VPS50: variants seen among roughly 807,000 people sequenced by gnomAD.
VPS50 encodes VPS50 subunit of EARP/GARPII complex.
In VPS50, 70 loss-of-function variants were observed where a neutral mutation model predicts 139.7. The ratio of observed to expected loss-of-function variants is 0.50; its 90% CI spans 0.41 to 0.61. The LOEUF is 0.61. VPS50 is among the 20% of genes least tolerant of loss of function. The probability of loss-of-function intolerance (pLI) is 0.00; values close to 1 mark genes in which losing one functional copy is unlikely to be tolerated. For synonymous variants in VPS50, 365 were observed against 376.7 expected (o/e 0.97, Z 0.36); for missense variants, 921 against 1,133.7 (o/e 0.81, Z 2.69).
intron 2 of VPS50, among the ~76,000 whole-genome samples, chr7:93,241,812 G>T (rs995912562): frequency 3.9e-5 from 6 of 151,958 alleles, no homozygotes; most frequent in Non-Finnish European, 8.8e-5. Context: ...TCACAATTTA[G>T]ATAAGACTTT....
At position 93,321,510 on chromosome 7, in the gene VPS50, A is replaced by G. The variant is rs183245259; in HGVS notation, c.1856-2101A>G. ...TATTGTCTTCCATGTATGACTTTTAAGGTGCAACAGCCGGGACTCTGTGTA... is the reference window on the plus strand; with the variant it reads ...TATTGTCTTCCATGTATGACTTTTAGGGTGCAACAGCCGGGACTCTGTGTA... On this transcript the variant is annotated intron_variant, in intron 20 of 27. Transcript: ENST00000305866. Among the ~76,000 whole-genome samples the G allele has an allele frequency of 2.2e-4, 34 of 152,314 alleles. 1 individual carries two copies. The highest frequency in any genetic ancestry group is 1.4e-3 in the Admixed American group (21 of 15,302).
chr7:93,341,327 C>A, intron 22 of VPS50, 100 bp from the exon 23 acceptor site: 1 of 714,322 alleles, frequency 1.4e-6, no homozygotes, highest in Non-Finnish European at 2.3e-6. Flanking sequence ...TTAACGTGTG[C>A]CCCAAGAGTA....
intron 18 of VPS50, 96 bp downstream of exon 18, chr7:93,306,100 C>T (rs1414759636): frequency 2.4e-6 from 2 of 835,666 alleles, no homozygotes; most frequent in Non-Finnish European, 3.9e-6. Context: ...TATCCATTTA[C>T]TACCACCCTG....
At position 93,287,401 on chromosome 7, in the gene VPS50, G is replaced by C. The variant is rs150771067; in HGVS notation, c.943-4302G>C. On this transcript the variant is annotated intron_variant, in intron 12 of 27. Transcript: ENST00000305866. The stretch of plus-strand genomic sequence containing the variant: ...ATTAAATTTCAGCAAATCCTCAAGA[G>C]ATAACATAATGAAGGACCTCTTTTT... Among the ~76,000 whole-genome samples, 21 of 148,234 alleles carry C rather than the reference G, an allele frequency of 1.4e-4. No homozygotes were observed. In the East Asian group the frequency reaches 4.2e-3, roughly 30 times the overall value.
At chr7:93,301,665 A>G (rs1262773862) in intron 16 of VPS50, among the ~76,000 whole-genome samples, 1 of 152,118 alleles carries the variant, frequency 6.6e-6, no homozygotes, top group Non-Finnish European at 1.5e-5. Context: ...ATTTCAACCC[A>G]CTGATACTGA....
At position 93,294,656 on chromosome 7, in the gene VPS50, A is replaced by AT. The variant is rs1161470759; in HGVS notation, c.1167+27dup. On this transcript the variant is annotated intron_variant, in intron 14 of 27. Transcript: ENST00000305866. ...TGGCAGGTTTGGTTTTTTTAAAATTATTTTTTTCACAGAAGCAATAGAAAT... is the reference window on the plus strand; with the variant it reads ...TGGCAGGTTTGGTTTTTTTAAAATTATTTTTTTTCACAGAAGCAATAGAAAT... 7 of 1,545,914 alleles carry AT rather than the reference A, an allele frequency of 4.5e-6. No homozygotes were observed. The highest frequency in any genetic ancestry group is 2.3e-5 in the East Asian group (1 of 43,886).
At chr7:93,262,161 GTC>G (rs1455013872) in intron 9 of VPS50, among the ~76,000 whole-genome samples, 56 of 152,344 alleles carry the variant, frequency 3.7e-4, no homozygotes, top group African/African-American at 1.3e-3. Context: ...AAAGGTCACT[GTC>G]TGTTATAATA....
chr7:93,315,872 G>T (rs1036159254), intron 20 of VPS50, among the ~76,000 whole-genome samples: 5 of 142,024 alleles, frequency 3.5e-5, no homozygotes, highest in Non-Finnish European at 3.0e-5. Context: ...CTTTGTTTCT[G>T]GCTAGCTGTT....
chr7:93,356,171 G>A (rs1798701984), intron 27 of VPS50, 91 bp downstream of exon 27: 3 of 625,094 alleles, frequency 4.8e-6, no homozygotes, highest in Non-Finnish European at 5.2e-6. Flanking sequence ...AATCATGAGA[G>A]TGAAATATAA....
intron 12 of VPS50, among the ~76,000 whole-genome samples, chr7:93,287,380 A>G (rs1796520375): frequency 6.6e-6 from 1 of 151,898 alleles, no homozygotes; most frequent in Non-Finnish European, 1.5e-5. Context: ...AAACCCATTA[A>G]ATTTCAGCAA....
chr7:93,319,900 A>T (rs938900882), intron 20 of VPS50, among the ~76,000 whole-genome samples: 3 of 151,936 alleles, frequency 2.0e-5, no homozygotes, highest in African/African-American at 7.2e-5. Flanking sequence ...TTTATTTTAA[A>T]TATTATATTT....
chr7:93,330,782 A>AAC (rs1554376640), intron 21 of VPS50, among the ~76,000 whole-genome samples: 1 of 149,900 alleles, frequency 6.7e-6, no homozygotes, highest in African/African-American at 2.4e-5. Flanking sequence ...AAAAAAAAAA[A>AAC]CCCAAACAAT....
At chr7:93,324,402 A>C (rs867942302) in intron 21 of VPS50, among the ~76,000 whole-genome samples, 66 of 152,240 alleles carry the variant, frequency 4.3e-4, no homozygotes, top group African/African-American at 1.0e-3. Flanking sequence ...TTTGCCCATT[A>C]AGTATGATAT....
chr7:93,306,028 A>T, intron 18 of VPS50, 24 bp downstream of exon 18: 1 of 1,576,088 alleles, frequency 6.3e-7, no homozygotes, highest in Non-Finnish European at 8.7e-7. Context: ...GTGAAACATA[A>T]GTGAGTTTTT....
In VPS50 at chr7:93,254,718, C is replaced by T. The variant is rs561872769; in HGVS notation, c.297+787C>T. Among the ~76,000 whole-genome samples, 49 of 152,176 alleles carry T rather than the reference C, an allele frequency of 3.2e-4. No individual in the cohort carries two copies. In the East Asian group the frequency reaches 6.8e-3, roughly 21 times the overall value. ...TGATAGGCTTGCATTTTCTTTAATGCGGTAAAATTCTCTGATTGTATAATT... is the reference window on the plus strand; with the variant it reads ...TGATAGGCTTGCATTTTCTTTAATGTGGTAAAATTCTCTGATTGTATAATT... On this transcript the variant is annotated intron_variant, in intron 4 of 27. Coordinates refer to ENST00000305866, the MANE Select transcript of VPS50 (RefSeq NM_017667.4).
chr7:93,265,873 AG>A, intron 9 of VPS50, among the ~76,000 whole-genome samples: 1 of 152,126 alleles, frequency 6.6e-6, no homozygotes. Flanking sequence ...GGGCAAGGTC[AG>A]GGATTTATTA....
intron 22 of VPS50, among the ~76,000 whole-genome samples, chr7:93,335,820 G>T (rs181465574): frequency 1.1e-4 from 16 of 152,232 alleles, no homozygotes; most frequent in Non-Finnish European, 2.2e-4. Context: ...TGGCATTTCT[G>T]TGTCATCCCT....
At chr7:93,287,251 G>C (rs1169034827) in intron 12 of VPS50, among the ~76,000 whole-genome samples, 2 of 151,856 alleles carry the variant, frequency 1.3e-5, no homozygotes, top group Admixed American at 1.3e-4. Flanking sequence ...TAGATCTCTG[G>C]ATTATTTACA....
rs781124806 is a variant in VPS50, at chr7:93,348,706, T to A, written c.2208-5T>A. ...TTTACACAGTGGGTTATTTATTCCC[T>A]TTAGGGTATTCTTGGCTGAACAGTT... On this transcript the variant is annotated splice_region_variant and splice_polypyrimidine_tract_variant and intron_variant, in intron 23 of 27. Transcript: ENST00000305866. 6.3e-6 allele frequency: 10 copies of A among 1,596,058 alleles called. No homozygotes were observed. The Admixed American group carries it at 8.3e-5, about 13-fold the overall frequency.
Sources: allele counts gnomAD v4.1 joint callset (sites outside exome capture counted in the v4.1 genomes callset), GRCh38; gene constraint gnomAD v4.1.1; transcripts MANE v1.5; gene names NCBI Gene and HGNC (gene_info 2026-07-23, HGNC 2026-07-21).